Variants in RBFOX1 observed in about 807,000 individuals in gnomAD.
The protein encoded by RBFOX1 is RNA binding protein fox-1 homolog 1.
Under a neutral mutation model 57.7 loss-of-function variants are expected in RBFOX1, and 8 were observed. The ratio of observed to expected loss-of-function variants is 0.14; its 90% CI spans 0.08 to 0.25. RBFOX1 has a LOEUF of 0.25. Ranked by LOEUF, RBFOX1 falls within the 10% of genes least tolerant of loss-of-function variation. The pLI is 1.00. For synonymous variants in RBFOX1, 326 were observed against 222.4 expected, an observed-to-expected ratio of 1.47 and a Z score of -4.15; for missense variants, 611 against 548.5, an observed-to-expected ratio of 1.11 and a Z score of -1.14.
chr16:6,582,870 G>A lies in RBFOX1; in HGVS notation c.-63-71733G>A, dbSNP rs1214749866. On this transcript the variant is annotated intron_variant, in intron 2 of 15. Coordinates refer to ENST00000550418, the MANE Select transcript of RBFOX1 (RefSeq NM_018723.4). ...TTTCAACAGAAACAACTGAGCTACA[G>A]TTCCAGCTGGTTTTCTAAGCTACAG... Among the ~76,000 whole-genome samples the A allele has an allele frequency of 2.1e-5, 3 of 144,452 alleles. No individual in the cohort carries two copies. The East Asian group carries it at 6.4e-4, about 31-fold the overall frequency. The allele number at this position is 144,452 out of a possible 152,430, so 94.8% of individuals were successfully genotyped here.
rs1159951047 is a variant in RBFOX1 at position 6,574,639 on chromosome 16, G to A, written c.-63-79964G>A. Among the ~76,000 whole-genome samples, 8 of 147,430 alleles carry A rather than the reference G, an allele frequency of 5.4e-5. No homozygotes were observed. In the South Asian group the frequency reaches 1.5e-3, roughly 28 times the overall value. ...GAGACGGGGTTTCACCGTTTTAGCCGGGATGGTCTCGATCTCCTGACCTCG... is the reference window on the plus strand; with the variant it reads ...GAGACGGGGTTTCACCGTTTTAGCCAGGATGGTCTCGATCTCCTGACCTCG... On this transcript the variant is annotated intron_variant, in intron 2 of 15. Transcript: ENST00000550418.
chr16:6,124,651 C>T (rs572635160), intron 1 of RBFOX1, among the ~76,000 whole-genome samples: 109 of 152,160 alleles, frequency 7.2e-4, no homozygotes, highest in Middle Eastern at 3.4e-3. Flanking sequence ...TACAGGCATG[C>T]ACCAGCATGC....
intron 3 of RBFOX1, among the ~76,000 whole-genome samples, chr16:6,925,674 T>G (rs1452127817): frequency 6.6e-6 from 1 of 152,006 alleles, no homozygotes. Context: ...TGGAATGCGT[T>G]AACAGCTTGA....
At chr16:6,240,200 T>C (rs2097532944) in intron 1 of RBFOX1, among the ~76,000 whole-genome samples, 1 of 152,216 alleles carries the variant, frequency 6.6e-6, no homozygotes, top group African/African-American at 2.4e-5. Context: ...CCATGCTTCC[T>C]ATACAGCCTG....
At chr16:7,400,171 T>G (rs1351695909) in intron 4 of RBFOX1, among the ~76,000 whole-genome samples, 2 of 152,198 alleles carry the variant, frequency 1.3e-5, no homozygotes, top group Non-Finnish European at 2.9e-5. Flanking sequence ...TGAACAATTA[T>G]GCTAGAAGTT....
chr16:6,352,325 C>T (rs1417605746), intron 2 of RBFOX1, among the ~76,000 whole-genome samples: 1 of 152,114 alleles, frequency 6.6e-6, no homozygotes, highest in African/African-American at 2.4e-5. Context: ...TAAAGTAGTA[C>T]TTGACCCATC....
At chr16:7,101,662 A>AT (rs745597632) in intron 4 of RBFOX1, among the ~76,000 whole-genome samples, 2 of 152,142 alleles carry the variant, frequency 1.3e-5, no homozygotes, top group Non-Finnish European at 2.9e-5. Flanking sequence ...TGAAGGCAAG[A>AT]TTTTAAGGCA....
At chr16:5,915,090 GT>G (rs1182859486) in intron 4 of RBFOX1, among the ~76,000 whole-genome samples, 5 of 152,148 alleles carry the variant, frequency 3.3e-5, no homozygotes, top group African/African-American at 1.2e-4. Context: ...ACACCAGGAG[GT>G]GGAAACCACT....
chr16:6,234,052 T>C (rs1402662269), intron 1 of RBFOX1, among the ~76,000 whole-genome samples: 2 of 152,120 alleles, frequency 1.3e-5, no homozygotes, highest in Non-Finnish European at 2.9e-5. Context: ...ACATGGCAGA[T>C]GGGCAGGCTG....
intron 1 of RBFOX1, chr16:5,270,109 A>C: frequency 1.6e-5 from 4 of 248,422 alleles, no homozygotes; most frequent in Non-Finnish European, 1.6e-5. Context: ...AGCCTGGCCA[A>C]AATGGTGAAA....
rs149374788 is a variant in RBFOX1, at chr16:6,842,957, C to T, written c.-16+188307C>T. 2.9e-3 allele frequency among the ~76,000 whole-genome samples: 445 copies of T among 152,110 alleles called. 1 individual carries two copies. The highest frequency in any genetic ancestry group is 0.02 in the Middle Eastern group (6 of 294). On this transcript the variant is annotated intron_variant, in intron 3 of 15. Coordinates refer to ENST00000550418, the MANE Select transcript of RBFOX1 (RefSeq NM_018723.4). ...TGTTCCTGTGTTAGTTTGCTGAGAACGATGGTTTCCAGGTTCATCCATGTC... is the reference window on the plus strand; with the variant it reads ...TGTTCCTGTGTTAGTTTGCTGAGAATGATGGTTTCCAGGTTCATCCATGTC...
intron 3 of RBFOX1, among the ~76,000 whole-genome samples, chr16:5,623,700 C>G (rs2048265745): frequency 1.3e-5 from 2 of 152,084 alleles, no homozygotes; most frequent in Admixed American, 1.3e-4. Flanking sequence ...CCCTTTTTCT[C>G]TCTCATTTGT....
At chr16:5,738,708 A>G (rs1474020740) in intron 3 of RBFOX1, among the ~76,000 whole-genome samples, 1 of 151,624 alleles carries the variant, frequency 6.6e-6, no homozygotes, top group Non-Finnish European at 1.5e-5. Flanking sequence ...GTCTGACTGC[A>G]GGTTTTCCAC....
At chr16:5,909,851 G>A (rs140242820) in intron 4 of RBFOX1, among the ~76,000 whole-genome samples, 4,196 of 152,020 alleles carry the variant, frequency 0.028, 95 homozygotes, top group Non-Finnish European at 0.044. Flanking sequence ...CAGGAGTTTC[G>A]AGACCAGCCT....
chr16:6,228,875 T>G (rs1271134648), intron 1 of RBFOX1, among the ~76,000 whole-genome samples: 4 of 152,220 alleles, frequency 2.6e-5, no homozygotes, highest in Non-Finnish European at 5.9e-5. Context: ...CATGTATACA[T>G]GTTTGAAATT....
At chr16:7,631,239 C>T (rs1007743417) in intron 11 of RBFOX1, among the ~76,000 whole-genome samples, 1 of 152,124 alleles carries the variant, frequency 6.6e-6, no homozygotes, top group South Asian at 2.1e-4. Flanking sequence ...GCAGGGGCAG[C>T]AACATTAAAT....
At chr16:7,469,440 G>C (rs6500973) in intron 4 of RBFOX1, among the ~76,000 whole-genome samples, 146,139 of 152,258 alleles carry the variant, frequency 0.96, 70,410 homozygotes, top group East Asian at 1. Context: ...ATGAGGTTTT[G>C]TCACTTGCAA....
At chr16:6,245,393 T>C (rs2097563632) in intron 1 of RBFOX1, among the ~76,000 whole-genome samples, 1 of 152,164 alleles carries the variant, frequency 6.6e-6, no homozygotes. Flanking sequence ...AGGCCATGTA[T>C]CTGCACCAAT....
intron 3 of RBFOX1, among the ~76,000 whole-genome samples, chr16:5,828,505 C>G (rs1232891845): frequency 6.6e-6 from 1 of 152,042 alleles, no homozygotes; most frequent in Non-Finnish European, 1.5e-5. Flanking sequence ...CAAGACCATC[C>G]TGACCAACAT....
Sources: allele counts gnomAD v4.1 joint callset (sites outside exome capture counted in the v4.1 genomes callset), GRCh38; gene constraint gnomAD v4.1.1; transcripts MANE v1.5; gene names NCBI Gene and HGNC (gene_info 2026-07-23, HGNC 2026-07-21).